USP32: variants seen among roughly 807,000 people sequenced by gnomAD.
USP32 encodes the protein ubiquitin carboxyl-terminal hydrolase 32.
Under a neutral mutation model 204.8 loss-of-function variants are expected in USP32, and 59 were observed. The ratio of observed to expected loss-of-function variants is 0.29; its 90% CI spans 0.23 to 0.36. The LOEUF (loss-of-function observed/expected upper bound fraction) is 0.36, where lower values mean the gene tolerates loss of function less well. Ranked by LOEUF, USP32 falls within the 10% of genes least tolerant of loss-of-function variation. The probability of loss-of-function intolerance (pLI) is 1.00; values close to 1 mark genes in which losing one functional copy is unlikely to be tolerated. For missense variants in USP32, 1,160 were observed against 1,946.4 expected, an observed-to-expected ratio of 0.60 and a Z score of 7.60; for synonymous variants, 517 against 678.4, an observed-to-expected ratio of 0.76 and a Z score of 3.70.
At chr17:60,314,851 G>A (rs970324794) in intron 2 of USP32, among the ~76,000 whole-genome samples, 5 of 151,768 alleles carry the variant, frequency 3.3e-5, no homozygotes, top group African/African-American at 9.7e-5. Context: ...GGTATAAAGT[G>A]AAACAAAAAT....
chr17:60,367,509 A>G (rs1353795540), intron 1 of USP32, among the ~76,000 whole-genome samples: 1 of 152,088 alleles, frequency 6.6e-6, no homozygotes, highest in Non-Finnish European at 1.5e-5. Context: ...CTCACAAAAC[A>G]GAAAGAAAGA....
At chr17:60,195,181 A>G (rs1389024383) in intron 27 of USP32, among the ~76,000 whole-genome samples, 1 of 152,226 alleles carries the variant, frequency 6.6e-6, no homozygotes, top group Non-Finnish European at 1.5e-5. Flanking sequence ...CTATACTAAA[A>G]TAGCTTTCAC....
chr17:60,371,253 TAAAAAAAAAAA>T (rs373242290), intron 1 of USP32, among the ~76,000 whole-genome samples: 17 of 66,294 alleles, frequency 2.6e-4, no homozygotes, highest in Non-Finnish European at 4.2e-4. Flanking sequence ...CTCTAAAAAT[TAAAAAAAAAAA>T]AAAAAAAAAA....
At chr17:60,244,993 A>T (rs1273196269) in intron 11 of USP32, among the ~76,000 whole-genome samples, 1 of 152,274 alleles carries the variant, frequency 6.6e-6, no homozygotes, top group African/African-American at 2.4e-5. Context: ...AAACTAAAAA[A>T]GTGTAGAAAC....
At chr17:60,207,453 G>A (rs2084859008) in intron 24 of USP32, among the ~76,000 whole-genome samples, 1 of 152,032 alleles carries the variant, frequency 6.6e-6, no homozygotes, top group Non-Finnish European at 1.5e-5. Context: ...AACTGTCAGT[G>A]AGGTGAGAGT....
chr17:60,278,024 G>A (rs1598183819), intron 5 of USP32, among the ~76,000 whole-genome samples: 1 of 147,328 alleles, frequency 6.8e-6, no homozygotes, highest in Admixed American at 6.9e-5. Flanking sequence ...CTCCCACCTC[G>A]GCCTCCACAG....
intron 5 of USP32, among the ~76,000 whole-genome samples, chr17:60,276,349 G>C (rs1476151424): frequency 2.0e-5 from 3 of 151,958 alleles, no homozygotes; most frequent in Non-Finnish European, 4.4e-5. Flanking sequence ...TAAAATTTTA[G>C]CAATAGGGAG....
intron 2 of USP32, among the ~76,000 whole-genome samples, chr17:60,320,555 G>C (rs1273409129): frequency 1.3e-5 from 2 of 152,066 alleles, no homozygotes; most frequent in Admixed American, 1.3e-4. Context: ...GGAAGAAACC[G>C]GGGTACCTGG....
At chr17:60,184,287 C>T (rs1392292618) in intron 30 of USP32, among the ~76,000 whole-genome samples, 2 of 150,516 alleles carry the variant, frequency 1.3e-5, no homozygotes, top group East Asian at 3.9e-4. Flanking sequence ...TGCACTCCAG[C>T]CTGGGCGACA....
chr17:60,374,113 G>T (rs2089495149), intron 1 of USP32, among the ~76,000 whole-genome samples: 1 of 151,996 alleles, frequency 6.6e-6, no homozygotes, highest in Non-Finnish European at 1.5e-5. Context: ...GAACCAGGGA[G>T]GCGGAGGTTG....
intron 1 of USP32, among the ~76,000 whole-genome samples, chr17:60,406,184 T>G (rs1264209367): frequency 1.3e-5 from 2 of 150,718 alleles, no homozygotes; most frequent in South Asian, 4.2e-4. Context: ...AAAAAGCTTA[T>G]TATTCTGAAA....
At chr17:60,227,716 A>T (rs1421538329) in intron 12 of USP32, among the ~76,000 whole-genome samples, 1 of 152,098 alleles carries the variant, frequency 6.6e-6, no homozygotes, top group Non-Finnish European at 1.5e-5. Context: ...CCCAGTGGAC[A>T]TAAGTTTTCT....
intron 3 of USP32, among the ~76,000 whole-genome samples, chr17:60,297,223 C>A (rs538638201): frequency 1.3e-5 from 2 of 152,052 alleles, no homozygotes; most frequent in Non-Finnish European, 2.9e-5. Context: ...CATAGCGAGA[C>A]CCCTATCTCT....
At chr17:60,359,869 ATT>A (rs879912809) in intron 1 of USP32, among the ~76,000 whole-genome samples, 10 of 141,950 alleles carry the variant, frequency 7.0e-5, no homozygotes, top group Admixed American at 7.1e-5. Flanking sequence ...TAAGACAAAG[ATT>A]TTTTTTTTTT....
At chr17:60,345,327 C>T (rs746869454) in intron 2 of USP32, among the ~76,000 whole-genome samples, 154 bp downstream of exon 2, 4 of 152,148 alleles carry the variant, frequency 2.6e-5, no homozygotes, top group African/African-American at 9.7e-5. Flanking sequence ...AACACAGCCA[C>T]GTTGACATCT....
intron 10 of USP32, among the ~76,000 whole-genome samples, chr17:60,254,519 A>G (rs2086244925): frequency 1.3e-5 from 2 of 152,068 alleles, no homozygotes; most frequent in African/African-American, 4.8e-5. Flanking sequence ...TGGGCAACAT[A>G]GCAAGGCCTG....
chr17:60,189,013 G>A (rs929762706), intron 29 of USP32, among the ~76,000 whole-genome samples: 2 of 152,218 alleles, frequency 1.3e-5, no homozygotes, highest in East Asian at 1.9e-4. Flanking sequence ...GAGCTTTTCC[G>A]ATTGCACACT....
intron 4 of USP32, among the ~76,000 whole-genome samples, chr17:60,294,242 T>C (rs900917573): frequency 1.3e-5 from 2 of 152,162 alleles, no homozygotes; most frequent in Non-Finnish European, 2.9e-5. Context: ...TATTTCACTA[T>C]GCAAATCAAC....
In USP32 at chr17:60,313,125, C is replaced by T. The variant is rs574996322; in HGVS notation, c.187-11421G>A. The stretch of plus-strand genomic sequence containing the variant: ...AATTAGCCAGTCATGGTGGCAGGCA[C>T]CTGTAATCCCAGCTACTCGGGAGGC... On this transcript the variant is annotated intron_variant, in intron 2 of 33. Transcript: ENST00000300896. Among the ~76,000 whole-genome samples the T allele has an allele frequency of 6.3e-4, 95 of 150,834 alleles. 1 individual carries two copies. The highest frequency in any genetic ancestry group is 2.8e-3 in the Admixed American group (43 of 15,248).
Sources: allele counts gnomAD v4.1 joint callset (sites outside exome capture counted in the v4.1 genomes callset), GRCh38; gene constraint gnomAD v4.1.1; transcripts MANE v1.5; gene names NCBI Gene and HGNC (gene_info 2026-07-23, HGNC 2026-07-21).